Variants in ZC3H13 observed in about 807,000 individuals in gnomAD.
The protein encoded by ZC3H13 is zinc finger CCCH-type containing 13.
A neutral mutation model predicts 204.1 loss-of-function variants in ZC3H13; 64 were observed. That is an observed-to-expected ratio of 0.31 (90% CI 0.26 to 0.39). ZC3H13 has a LOEUF of 0.39. Among genes scored for constraint, ZC3H13 ranks in the 10% least tolerant of loss-of-function variants. The pLI is 1.00. For synonymous variants in ZC3H13, 667 were observed against 693.7 expected (o/e 0.96, Z 0.60); for missense variants, 1,833 against 2,082.7 (o/e 0.88, Z 2.33).
intron 11 of ZC3H13, chr13:45,976,051 CCAT>C (rs1364155748): frequency 1.2e-6 from 1 of 836,362 alleles, no homozygotes; most frequent in African/African-American, 1.8e-5. Flanking sequence ...CCTCTAACGA[CCAT>C]GTTTCCTGCT....
At chr13:46,041,378 TAG>T (rs1388638235) in intron 4 of ZC3H13, among the ~76,000 whole-genome samples, 2 of 152,098 alleles carry the variant, frequency 1.3e-5, no homozygotes, top group African/African-American at 2.4e-5. Flanking sequence ...GGCAAATCTC[TAG>T]AGAGAGAAAG....
rs2040871778 is a variant in ZC3H13, at chr13:46,003,179, G to A, written c.904C>T (p.Arg302Ter). ...TTTTCTCTTTGTCGTTCAAAATCTC[G>A]TCCTCTGTCCTTTCCATCTCTTGTT... ...EKTRDGKDRG[R>*]DFERQREKRD... Residue 302 changes from arginine to a stop codon, truncating the protein, a stop_gained, in exon 8 of 19, where the codon CGA becomes TGA. Transcript: ENST00000679008. LOFTEE classifies it high-confidence loss of function. 6.2e-7 allele frequency: 1 copy of A among 1,611,652 alleles called. No individual in the cohort carries two copies. Among genetic ancestry groups the A allele is most frequent in the Non-Finnish European group, 8.5e-7 (1 of 1,179,578 alleles).
At chr13:45,964,987 C>T (rs1951968771) in intron 16 of ZC3H13, among the ~76,000 whole-genome samples, 1 of 152,146 alleles carries the variant, frequency 6.6e-6, no homozygotes, top group Non-Finnish European at 1.5e-5. Flanking sequence ...GCTAGACAAT[C>T]AGTATTTGTT....
intron 12 of ZC3H13, among the ~76,000 whole-genome samples, chr13:45,971,300 T>C (rs1284357620): frequency 6.6e-6 from 1 of 152,150 alleles, no homozygotes; most frequent in African/African-American, 2.4e-5. Context: ...TGTTTATAAA[T>C]ACTATGGTCA....
intron 18 of ZC3H13, 118 bp from the exon 19 acceptor site, chr13:45,957,415 T>A: frequency 1.0e-6 from 1 of 988,552 alleles, no homozygotes; most frequent in Non-Finnish European, 1.3e-6. Flanking sequence ...TTTTGGATAT[T>A]AAATTAGCTT....
rs1285790040 is a variant in ZC3H13, at chr13:45,975,292, C to A, written c.2459G>T (p.Arg820Ile). 6.2e-7 allele frequency: 1 copy of A among 1,605,850 alleles called. No homozygotes were observed. Among genetic ancestry groups the A allele is most frequent in the African/African-American group, 1.3e-5 (1 of 74,426 alleles). ...TGATAATTATTCTTACTTTGATTTTCTTTCATCATGTCCATCTCTTGGATT... is the reference window on the plus strand; with the variant it reads ...TGATAATTATTCTTACTTTGATTTTATTTCATCATGTCCATCTCTTGGATT... ...DRNPRDGHDERKSKKRYRNEG... is the reference protein window; with the variant it reads ...DRNPRDGHDEIKSKKRYRNEG... Residue 820 changes from arginine to isoleucine, a missense_variant, in exon 12 of 19, where the codon AGA becomes ATA. By Grantham distance (97) the Arg-to-Ile change is moderately conservative. Transcript: ENST00000679008.
chr13:45,978,034 G>T (rs1953212215), intron 11 of ZC3H13, among the ~76,000 whole-genome samples: 1 of 152,072 alleles, frequency 6.6e-6, no homozygotes, highest in Non-Finnish European at 1.5e-5. Context: ...TTCAGTTCTG[G>T]TGTCTGTACA....
intron 8 of ZC3H13, among the ~76,000 whole-genome samples, chr13:45,990,837 G>A (rs537907839): frequency 3.3e-5 from 5 of 152,140 alleles, no homozygotes; most frequent in East Asian, 1.9e-4. Context: ...ACAAGGTCTC[G>A]CTGTCACCCA....
intron 18 of ZC3H13, 48 bp downstream of exon 18, chr13:45,959,435 G>A: frequency 7.0e-7 from 1 of 1,422,928 alleles, no homozygotes; most frequent in Non-Finnish European, 9.2e-7. Flanking sequence ...TGAAAAATAG[G>A]CCATTCACAC....
At chr13:46,011,751 G>A (rs1328556140) in intron 5 of ZC3H13, among the ~76,000 whole-genome samples, 197 bp from the exon 6 acceptor site, 1 of 152,164 alleles carries the variant, frequency 6.6e-6, no homozygotes, top group African/African-American at 2.4e-5. Flanking sequence ...ATTTCTTCAT[G>A]AAAAGCCAAA....
chr13:45,989,330 AG>A (rs2039798847), intron 8 of ZC3H13, among the ~76,000 whole-genome samples: 1 of 152,236 alleles, frequency 6.6e-6, no homozygotes, highest in Admixed American at 6.5e-5. Context: ...CTTTTCTCCC[AG>A]GCTTTGGTGC....
intron 4 of ZC3H13, among the ~76,000 whole-genome samples, chr13:46,031,942 A>C (rs77395841): frequency 1.7e-4 from 26 of 152,342 alleles, no homozygotes; most frequent in Admixed American, 6.5e-4. Context: ...GAAGTTGAAA[A>C]CATATGTCCA....
At chr13:46,023,055 A>G (rs4942466) in intron 4 of ZC3H13, among the ~76,000 whole-genome samples, 111,495 of 152,132 alleles carry the variant, frequency 0.73, 41,290 homozygotes, top group African/African-American at 0.83. Context: ...AATTTTAGAT[A>G]AAAAGCAAGC....
chr13:45,998,034 G>A (rs530064996), intron 8 of ZC3H13, among the ~76,000 whole-genome samples: 1 of 152,144 alleles, frequency 6.6e-6, no homozygotes, highest in Non-Finnish European at 1.5e-5. Context: ...TTTTACTTAA[G>A]CACAACACCT....
chr13:46,012,768 C>T (rs541506040), intron 5 of ZC3H13, among the ~76,000 whole-genome samples: 22 of 152,252 alleles, frequency 1.4e-4, no homozygotes, highest in African/African-American at 5.1e-4. Context: ...AAAATGAAGA[C>T]ACTGAATTTA....
At chr13:46,049,060 G>A (rs1486065299) in intron 1 of ZC3H13, among the ~76,000 whole-genome samples, 1 of 151,286 alleles carries the variant, frequency 6.6e-6, no homozygotes, top group Non-Finnish European at 1.5e-5. Context: ...GCTGAGGCAG[G>A]AGAATCGCTT....
chr13:45,988,656 A>G (rs2039734209), intron 9 of ZC3H13, 131 bp downstream of exon 9: 1 of 962,830 alleles, frequency 1.0e-6, no homozygotes, highest in Admixed American at 2.8e-5. Flanking sequence ...AGCATCTCCT[A>G]TTGCCCTCAA....
chr13:46,037,969 C>T (rs1244995348), intron 4 of ZC3H13, among the ~76,000 whole-genome samples: 1 of 152,142 alleles, frequency 6.6e-6, no homozygotes, highest in African/African-American at 2.4e-5. Flanking sequence ...CAGCACAGAC[C>T]TTACATCAGC....
chr13:45,994,114 A>G (rs1482797899), intron 8 of ZC3H13, among the ~76,000 whole-genome samples: 2 of 152,254 alleles, frequency 1.3e-5, no homozygotes, highest in Non-Finnish European at 2.9e-5. Flanking sequence ...CAACCTTTAT[A>G]ATGATCCATT....
Sources: allele counts gnomAD v4.1 joint callset (sites outside exome capture counted in the v4.1 genomes callset), GRCh38; gene constraint gnomAD v4.1.1; transcripts MANE v1.5; gene names NCBI Gene and HGNC (gene_info 2026-07-23, HGNC 2026-07-21).